Variants in TP53BP1 observed in about 807,000 individuals in gnomAD.
TP53BP1 encodes tumor protein p53 binding protein 1, also known as TP53-binding protein 1.
In TP53BP1, 61 loss-of-function variants were observed where a neutral mutation model predicts 200.8. That is an observed-to-expected ratio of 0.30 (90% CI 0.25 to 0.38). The LOEUF (loss-of-function observed/expected upper bound fraction) is 0.38, where lower values mean the gene tolerates loss of function less well. Among genes scored for constraint, TP53BP1 ranks in the 10% least tolerant of loss-of-function variants. TP53BP1 has a pLI of 1.00. For missense variants in TP53BP1, 2,144 were observed against 2,371.9 expected, an observed-to-expected ratio of 0.90 and a Z score of 2.00; for synonymous variants, 822 against 844.3, an observed-to-expected ratio of 0.97 and a Z score of 0.46.
Position 43,473,243 on chromosome 15 carries a change from G to C in TP53BP1, c.1180+1430C>G, listed in dbSNP as rs554257983. ...GAAAGAACAAAGCTTCCACACTGTG[G>C]AAGGGGACCCGAGCGGGTTGCCACT... On this transcript the variant is annotated intron_variant, in intron 10 of 27. Transcript: ENST00000382044. 2.6e-5 allele frequency among the ~76,000 whole-genome samples: 4 copies of C among 152,228 alleles called. No individual in the cohort carries two copies. In the East Asian group the frequency reaches 7.7e-4, roughly 29 times the overall value.
In TP53BP1 at chr15:43,457,162, A is replaced by G. The variant is rs767022650; in HGVS notation, c.1446T>C (p.Asp482=). The change falls in exon 12 of 28, where the codon GAT becomes GAC. Residue 482 remains aspartate (D), a synonymous_variant. Coordinates refer to ENST00000382044, the MANE Select transcript of TP53BP1 (RefSeq NM_001141980.3). Reference sequence around the variant, plus strand: ...TCAAAGATGAACTATGCATATCTCCATCTTTCTTCCCATCATTTGATTGTT... The same window carrying G: ...TCAAAGATGAACTATGCATATCTCCGTCTTTCTTCCCATCATTTGATTGTT... The part of the protein sequence containing the change: ...LEEQSNDGKK[D]GDMHSSSLTV... 1 of 1,613,192 alleles carries G rather than the reference A, an allele frequency of 6.2e-7. No individual in the cohort carries two copies. Among genetic ancestry groups the G allele is most frequent in the Admixed American group, 1.7e-5 (1 of 59,916 alleles).
At position 43,405,047 on chromosome 15, in the gene TP53BP1, G is replaced by T. The variant is rs1477065793; in HGVS notation, c.*2336C>A. 6.2e-6 allele frequency: 5 copies of T among 801,072 alleles called. No homozygotes were observed. Among genetic ancestry groups the T allele is most frequent in the Non-Finnish European group, 9.9e-6 (5 of 506,768 alleles). The allele number at this position is 801,072 out of a possible 1,614,324, so 49.6% of individuals were successfully genotyped here. A position where few individuals can be genotyped will look rare whatever the true frequency, so the allele number is the denominator to read the frequency against. On this transcript the variant is annotated 3_prime_UTR_variant, in exon 28 of 28. Transcript: ENST00000382044. ...TTTCTCTCTAAAATGTCTGCAAGCA[G>T]ATTTTTTTCTAAGCTATTGTAGCAG...
rs890647665 is a variant in TP53BP1 at position 43,475,590 on chromosome 15, A to G, written c.1060T>C (p.Ser354Pro). The stretch of plus-strand genomic sequence containing the variant: ...GTGGAAAGACTGTCCTGAACAAGGG[A>G]CCTCTGACCAGAGAGCTGCAGGAGA... ...LHLLQLSGQRSLVQDSLSTNS... is the reference protein window; with the variant it reads ...LHLLQLSGQRPLVQDSLSTNS... Residue 354 changes from serine (S) to proline (P), a missense_variant, in exon 9 of 28, where the codon TCC (serine) becomes CCC (proline). Around this residue, in one of 4 missense-constraint regions of TP53BP1, gnomAD observed 1,700 missense variants for 1,710.3 expected, o/e 0.99. Coordinates refer to ENST00000382044, the MANE Select transcript of TP53BP1 (RefSeq NM_001141980.3). The G allele has an allele frequency of 6.2e-7, 1 of 1,614,102 alleles. No homozygotes were observed. Among genetic ancestry groups the G allele is most frequent in the Non-Finnish European group, 8.5e-7 (1 of 1,180,024 alleles).
At chr15:43,454,110 CAGG>C (rs908225548) in intron 12 of TP53BP1, among the ~76,000 whole-genome samples, 4 of 151,508 alleles carry the variant, frequency 2.6e-5, no homozygotes, top group African/African-American at 7.3e-5. Context: ...GAGGCTGAGG[CAGG>C]AGAATTGCTT....
At chr15:43,509,442 T>C (rs1039825319) in intron 1 of TP53BP1, among the ~76,000 whole-genome samples, 6 of 152,296 alleles carry the variant, frequency 3.9e-5, no homozygotes, top group Admixed American at 2.0e-4. Flanking sequence ...AGAGTCTCAC[T>C]CTGTCACTCA....
chr15:43,475,763 C>T (rs2140110486), intron 8 of TP53BP1, 69 bp from the exon 9 acceptor site: 4 of 1,547,826 alleles, frequency 2.6e-6, no homozygotes, highest in Non-Finnish European at 3.5e-6. Flanking sequence ...CCATTCAGTA[C>T]TGCAAAGAGT....
Position 43,407,277 on chromosome 15 carries a change from A to T in TP53BP1, c.*106T>A. ...AAAAGTTCAGCAAATAAAACTATAT[A>T]CAAGATCCATGCAAGGAATCCAGTT... On this transcript the variant is annotated 3_prime_UTR_variant, in exon 28 of 28. Coordinates refer to ENST00000382044, the MANE Select transcript of TP53BP1 (RefSeq NM_001141980.3). 1.1e-6 allele frequency: 1 copy of T among 933,156 alleles called. No individual in the cohort carries two copies. Among genetic ancestry groups the T allele is most frequent in the Non-Finnish European group, 1.7e-6 (1 of 604,996 alleles). The allele number at this position is 933,156 out of a possible 1,614,324, so 57.8% of individuals were successfully genotyped here.
At chr15:43,480,843 T>A in intron 5 of TP53BP1, 52 bp downstream of exon 5, 1 of 1,599,368 alleles carries the variant, frequency 6.3e-7, no homozygotes, top group Non-Finnish European at 8.6e-7. Context: ...TGCACAATCA[T>A]GTTAAAGGGA....
At chr15:43,408,714 C>G (rs2045011380) in intron 26 of TP53BP1, 183 bp downstream of exon 26, 3 of 612,348 alleles carry the variant, frequency 4.9e-6, no homozygotes, top group Non-Finnish European at 8.5e-6. Context: ...GCAAAAGGTT[C>G]CTAGCCAATG....
chr15:43,421,062 G>A lies in TP53BP1; in HGVS notation c.4213C>T (p.Arg1405Ter). 1.2e-6 allele frequency: 2 copies of A among 1,614,054 alleles called. No individual in the cohort carries two copies. Among genetic ancestry groups the A allele is most frequent in the Non-Finnish European group, 8.5e-7 (1 of 1,179,988 alleles). ...GTCCGAGAAGGTGGGCGGCCCCTTC[G>A]CCCACGCCCACGAGGCGTGACTGGA... is the stretch of plus-strand genomic sequence containing the variant. Reference protein sequence around the residue: ...KAPVTPRGRGRRGRPPSRTTG... With the variant: ...KAPVTPRGRG Residue 1405 changes from arginine (R) to a stop codon, truncating the protein, a stop_gained, in exon 20 of 28, where the codon CGA becomes TGA. Coordinates refer to ENST00000382044, the MANE Select transcript of TP53BP1 (RefSeq NM_001141980.3). LOFTEE classifies it high-confidence loss of function.
intron 4 of TP53BP1, among the ~76,000 whole-genome samples, chr15:43,481,844 C>A (rs1329415559): frequency 6.7e-6 from 1 of 149,752 alleles, no homozygotes; most frequent in Non-Finnish European, 1.5e-5. Flanking sequence ...GAGACAGAGT[C>A]TGTCTCCCAG....
Position 43,493,004 on chromosome 15 carries a change from C to T in TP53BP1, c.7+33G>A, listed in dbSNP as rs371181241. 31 of 1,612,442 alleles carry T rather than the reference C, an allele frequency of 1.9e-5. No homozygotes were observed. In the African/African-American group the frequency reaches 3.2e-4, roughly 17 times the overall value. Reference sequence around the variant, plus strand: ...AGACCCGAAATCCAGGCCTTCAGAGCCCACTGCACTCCCATTTCTCTCCAA... The same window carrying T: ...AGACCCGAAATCCAGGCCTTCAGAGTCCACTGCACTCCCATTTCTCTCCAA... On this transcript the variant is annotated intron_variant, in intron 1 of 27. Transcript: ENST00000382044.
chr15:43,405,071 A>C lies in TP53BP1; in HGVS notation c.*2312T>G, dbSNP rs994729384. 9.9e-7 allele frequency: 1 copy of C among 1,005,328 alleles called. No homozygotes were observed. The highest frequency in any genetic ancestry group is 1.6e-5 in the African/African-American group (1 of 61,470). The allele number at this position is 1,005,328 out of a possible 1,614,324, so 62.3% of individuals were successfully genotyped here. On this transcript the variant is annotated 3_prime_UTR_variant, in exon 28 of 28. Coordinates refer to ENST00000382044, the MANE Select transcript of TP53BP1 (RefSeq NM_001141980.3). ...AGATTTTTTTCTAAGCTATTGTAGC[A>C]GAAGAGTCAAAAGAAACTCTTCAGT...
intron 3 of TP53BP1, 68 bp from the exon 4 acceptor site, chr15:43,491,821 T>A: frequency 7.6e-7 from 1 of 1,311,960 alleles, no homozygotes; most frequent in Non-Finnish European, 1.1e-6. Context: ...AAATCAGGAA[T>A]ACAGACAATA....
chr15:43,457,288 G>T, intron 11 of TP53BP1, 70 bp from the exon 12 acceptor site: 2 of 1,297,974 alleles, frequency 1.5e-6, no homozygotes, highest in East Asian at 5.0e-5. Context: ...CGAATCCTTG[G>T]ATTCATATAA....
Position 43,405,402 on chromosome 15 carries a change from G to C in TP53BP1, c.*1981C>G. The C allele has an allele frequency of 1.6e-6, 1 of 634,762 alleles. No homozygotes were observed. Among genetic ancestry groups the C allele is most frequent in the Non-Finnish European group, 2.8e-6 (1 of 360,632 alleles). 39.3% of individuals were successfully genotyped at this position (634,762 alleles called of 1,614,324 possible). A position where few individuals can be genotyped will look rare whatever the true frequency, so the allele number is the denominator to read the frequency against. ...TCCTTCCCATCATTCCCATGTGGAA[G>C]GGTCTCTCCCATCAAGGAGAACATG... On this transcript the variant is annotated 3_prime_UTR_variant, in exon 28 of 28. Transcript: ENST00000382044.
chr15:43,462,548 T>C (rs2140067372), intron 11 of TP53BP1, among the ~76,000 whole-genome samples: 1 of 152,102 alleles, frequency 6.6e-6, no homozygotes, highest in South Asian at 2.1e-4. Context: ...CACTCCTAGC[T>C]CAAGCTATCC....
chr15:43,495,493 C>T (rs1595633962), upstream of TP53BP1, among the ~76,000 whole-genome samples: 1 of 85,456 alleles, frequency 1.2e-5, no homozygotes, highest in South Asian at 3.8e-4. Context: ...AGTGAGACTC[C>T]GTCACACACA....
chr15:43,447,206 G>GT, intron 13 of TP53BP1, 160 bp downstream of exon 13: 1 of 666,324 alleles, frequency 1.5e-6, no homozygotes, highest in African/African-American at 1.9e-5. Context: ...TCATCTCCTA[G>GT]TAGTAAAATC....
Sources: allele counts gnomAD v4.1 joint callset (sites outside exome capture counted in the v4.1 genomes callset), GRCh38; gene constraint gnomAD v4.1.1; regional missense constraint gnomAD v4.1.1; transcripts MANE v1.5; gene names NCBI Gene and HGNC (gene_info 2026-07-23, HGNC 2026-07-21).